Variants in KIAA1549L observed in about 807,000 individuals in gnomAD.
The protein encoded by KIAA1549L is UPF0606 protein KIAA1549L.
Under a neutral mutation model 160.7 loss-of-function variants are expected in KIAA1549L, and 88 were observed. That is an observed-to-expected ratio of 0.55 (90% CI 0.46 to 0.65). KIAA1549L has a LOEUF of 0.65. Among genes scored for constraint, KIAA1549L ranks in the 30% least tolerant of loss-of-function variants. The pLI is 0.00. For missense variants in KIAA1549L, 2,258 were observed against 2,437.5 expected (o/e 0.93, Z 1.55); for synonymous variants, 950 against 976.7 (o/e 0.97, Z 0.51).
Position 33,543,595 on chromosome 11 carries a change from G to A in KIAA1549L, c.2032G>A (p.Val678Ile), listed in dbSNP as rs1280404186. 1 of 1,613,980 alleles carries A rather than the reference G, an allele frequency of 6.2e-7. No homozygotes were observed. Among genetic ancestry groups the A allele is most frequent in the South Asian group, 1.1e-5 (1 of 91,084 alleles). The change falls in exon 2 of 21, where the codon GTA becomes ATA. Residue 678 changes from valine (V) to isoleucine (I), a missense_variant. This residue lies in a region of KIAA1549L where 287 missense variants were observed against 292.3 expected (regional missense o/e 0.98). Transcript: ENST00000658780. Reference protein sequence around the residue: ...QVRASPSSMDVYDSLTIGDMK... With the variant: ...QVRASPSSMDIYDSLTIGDMK... The stretch of plus-strand genomic sequence containing the variant: ...GAGAGCATCGCCCTCCTCCATGGAT[G>A]TATATGATTCCTTAACAATAGGAGA...
intron 1 of KIAA1549L, among the ~76,000 whole-genome samples, chr11:33,466,590 C>T (rs1250813433): frequency 6.6e-6 from 1 of 152,066 alleles, no homozygotes; most frequent in Admixed American, 6.6e-5. Context: ...ACTAGAAATA[C>T]CATTTGACCC....
chr11:33,659,472 C>A (rs867845298), intron 19 of KIAA1549L, among the ~76,000 whole-genome samples: 6 of 152,328 alleles, frequency 3.9e-5, no homozygotes, highest in Middle Eastern at 3.4e-3. Flanking sequence ...TGATAAGCCA[C>A]AGTTTAGACT....
At chr11:33,454,283 C>G (rs951930249) in intron 1 of KIAA1549L, among the ~76,000 whole-genome samples, 1 of 152,080 alleles carries the variant, frequency 6.6e-6, no homozygotes, top group Non-Finnish European at 1.5e-5. Flanking sequence ...GTTCTAGCAC[C>G]CCGAAATTAG....
At chr11:33,577,578 T>C (rs61888299) in intron 10 of KIAA1549L, among the ~76,000 whole-genome samples, 6,120 of 152,258 alleles carry the variant, frequency 0.04, 146 homozygotes, top group Non-Finnish European at 0.062. Context: ...CACTTGGTGA[T>C]GGAAGCTTGC....
At chr11:33,639,267 A>T (rs1436483185) in intron 16 of KIAA1549L, among the ~76,000 whole-genome samples, 3 of 152,140 alleles carry the variant, frequency 2.0e-5, no homozygotes, top group Non-Finnish European at 2.9e-5. Flanking sequence ...ACTATTGTAG[A>T]TGTATTGGAC....
rs1850171141 is a variant in KIAA1549L, at chr11:33,386,292, C to T, written c.238+9403C>T. On this transcript the variant is annotated intron_variant, in intron 1 of 20. Coordinates refer to ENST00000658780, the MANE Select transcript of KIAA1549L (RefSeq NM_012194.3). ...AATTTGCTGTGAATTTTTATCATGA[C>T]TGGTTATCAGATTTTGGCAAATGCT... Among the ~76,000 whole-genome samples the T allele has an allele frequency of 2.0e-5, 3 of 152,276 alleles. No individual in the cohort carries two copies. In the South Asian group the frequency reaches 6.2e-4, roughly 32 times the overall value.
intron 1 of KIAA1549L, among the ~76,000 whole-genome samples, chr11:33,490,844 T>C (rs1852641183): frequency 6.6e-6 from 1 of 152,188 alleles, no homozygotes; most frequent in South Asian, 2.1e-4. Flanking sequence ...TCTGCTTCAG[T>C]AGGTCTGAGG....
rs562893144 is a variant in KIAA1549L at position 33,636,948 on chromosome 11, G to C, written c.5410-8738G>C. Among the ~76,000 whole-genome samples the C allele has an allele frequency of 9.4e-4, 143 of 152,266 alleles. 1 individual carries two copies. Among genetic ancestry groups the C allele is most frequent in the African/African-American group, 3.2e-3 (134 of 41,552 alleles). On this transcript the variant is annotated intron_variant, in intron 16 of 20. Coordinates refer to ENST00000658780, the MANE Select transcript of KIAA1549L (RefSeq NM_012194.3). ...AGGCTATGGAGGAACATAACTCAAG[G>C]AAGGCAGTGGAGAGTACCAGGAGCT...
chr11:33,661,434 A>G (rs1852256687), intron 20 of KIAA1549L, among the ~76,000 whole-genome samples: 1 of 152,208 alleles, frequency 6.6e-6, no homozygotes, highest in Non-Finnish European at 1.5e-5. Flanking sequence ...AGGGGATGCC[A>G]CTTATCTAAG....
chr11:33,649,910 T>A (rs1851837651), intron 17 of KIAA1549L, among the ~76,000 whole-genome samples: 2 of 151,386 alleles, frequency 1.3e-5, no homozygotes, highest in African/African-American at 4.9e-5. Flanking sequence ...AAATGTTACA[T>A]TTCTTGTGTT....
chr11:33,549,077 A>T (rs995143747), intron 4 of KIAA1549L, among the ~76,000 whole-genome samples: 1 of 152,268 alleles, frequency 6.6e-6, no homozygotes, highest in African/African-American at 2.4e-5. Flanking sequence ...CTAATCTTCA[A>T]ACATTCTCAA....
intron 16 of KIAA1549L, among the ~76,000 whole-genome samples, chr11:33,631,276 ACG>A (rs1293187864): frequency 0.018 from 2,758 of 152,266 alleles, 92 homozygotes; most frequent in African/African-American, 0.063. Context: ...CTTCTAGCTG[ACG>A]CGTGTTACTC....
At chr11:33,547,663 C>T in intron 3 of KIAA1549L, 101 bp from the exon 4 acceptor site, 2 of 733,884 alleles carry the variant, frequency 2.7e-6, no homozygotes, top group Non-Finnish European at 4.8e-6. Context: ...ACCGGCTCTG[C>T]CCAGAACTTG....
At chr11:33,418,611 A>G (rs984453992) in intron 1 of KIAA1549L, among the ~76,000 whole-genome samples, 1 of 152,230 alleles carries the variant, frequency 6.6e-6, no homozygotes, top group Admixed American at 6.5e-5. Context: ...TATTCCTTAC[A>G]TATAGGCAGC....
intron 14 of KIAA1549L, 145 bp downstream of exon 14, chr11:33,606,967 C>A (rs2133323205): frequency 1.6e-6 from 1 of 617,324 alleles, no homozygotes; most frequent in Non-Finnish European, 2.7e-6. Flanking sequence ...CAGGCCTCTG[C>A]AGAATGAATC....
chr11:33,552,627 C>T (rs558178618), intron 6 of KIAA1549L, among the ~76,000 whole-genome samples: 49 of 148,864 alleles, frequency 3.3e-4, no homozygotes, highest in Non-Finnish European at 5.6e-4. Context: ...GCTTATATTC[C>T]AGTTGCCTTA....
intron 17 of KIAA1549L, among the ~76,000 whole-genome samples, chr11:33,651,003 G>T (rs538295614): frequency 6.6e-6 from 1 of 152,048 alleles, no homozygotes; most frequent in African/African-American, 2.4e-5. Flanking sequence ...AGGACAGAAG[G>T]CCCCTTTTCC....
At chr11:33,547,964 C>T in intron 4 of KIAA1549L, 85 bp downstream of exon 4, 1 of 872,670 alleles carries the variant, frequency 1.1e-6, no homozygotes, top group Non-Finnish European at 1.9e-6. Context: ...TTCCTCCTTT[C>T]TAGGGATCAT....
At chr11:33,492,041 T>C (rs1476197537) in intron 1 of KIAA1549L, among the ~76,000 whole-genome samples, 1 of 152,178 alleles carries the variant, frequency 6.6e-6, no homozygotes, top group Non-Finnish European at 1.5e-5. Flanking sequence ...TAATGGGACC[T>C]GTGGTACCTC....
Sources: gnomAD v4.1 joint callset for allele counts (sites outside exome capture counted in the v4.1 genomes callset) on GRCh38, gnomAD v4.1.1 for gene constraint, gnomAD v4.1.1 regional missense constraint, MANE v1.5 for transcripts, NCBI Gene and HGNC (gene_info 2026-07-23, HGNC 2026-07-21) for gene names.